Variants in ABLIM2 observed in about 807,000 individuals in gnomAD.
The protein encoded by ABLIM2 is actin-binding LIM protein 2.
A neutral mutation model predicts 97.7 loss-of-function variants in ABLIM2; 53 were observed. The observed-to-expected ratio is 0.54, with a 90% CI of 0.44 to 0.68. The LOEUF (loss-of-function observed/expected upper bound fraction) is 0.68, where lower values mean the gene tolerates loss of function less well. Among genes scored for constraint, ABLIM2 ranks in the 30% least tolerant of loss-of-function variants. The pLI is 0.00. For missense variants in ABLIM2, 835 were observed against 867.2 expected (o/e 0.96, Z 0.47); for synonymous variants, 361 against 345.8 (o/e 1.04, Z -0.49).
intron 20 of ABLIM2, among the ~76,000 whole-genome samples, chr4:7,980,581 G>C (rs1196926507): frequency 2.6e-5 from 4 of 151,992 alleles, no homozygotes; most frequent in Admixed American, 2.6e-4. Flanking sequence ...CAGGCGTGGT[G>C]GTGGGTGCCT....
chr4:8,143,159 T>TGG (rs1554123507), intron 1 of ABLIM2, among the ~76,000 whole-genome samples: 966 of 61,204 alleles, frequency 0.016, 26 homozygotes, highest in African/African-American at 0.043. Flanking sequence ...GGGGCGAGAG[T>TGG]GGGGGGGGGG....
chr4:7,974,181 A>C (rs1577612073), intron 20 of ABLIM2, among the ~76,000 whole-genome samples: 2 of 152,108 alleles, frequency 1.3e-5, no homozygotes, highest in South Asian at 4.1e-4. Flanking sequence ...CTGTCTATCT[A>C]TCTATCTATC....
chr4:7,995,577 G>A (rs1280711714), intron 16 of ABLIM2, among the ~76,000 whole-genome samples: 1 of 152,228 alleles, frequency 6.6e-6, no homozygotes, highest in Non-Finnish European at 1.5e-5. Flanking sequence ...AAGGTCACAT[G>A]GGGACACAGA....
Position 8,113,632 on chromosome 4 carries a change from C to T in ABLIM2, c.11-6995G>A, listed in dbSNP as rs1841393397. 1.3e-5 allele frequency among the ~76,000 whole-genome samples: 2 copies of T among 152,178 alleles called. No individual in the cohort carries two copies. Among genetic ancestry groups the T allele is most frequent in the Admixed American group, 1.3e-4 (2 of 15,284 alleles). On this transcript the variant is annotated intron_variant, in intron 1 of 20. Transcript: ENST00000447017. The surrounding 1 kb of genome is among the most constrained non-coding windows in gnomAD (Gnocchi z 4.5). Reference sequence around the variant, plus strand: ...CTCACACAGGGGAAAACTTGGGGTCCACCCATGGCAGGGGTTCTCATCGGA... The same window carrying T: ...CTCACACAGGGGAAAACTTGGGGTCTACCCATGGCAGGGGTTCTCATCGGA...
At chr4:8,106,269 G>A (rs73075933) in intron 2 of ABLIM2, among the ~76,000 whole-genome samples, 28,844 of 152,124 alleles carry the variant, frequency 0.19, 4,819 homozygotes, top group African/African-American at 0.45. Context: ...TAGGGACCTG[G>A]ACCCTCATCC....
rs943541234 is a variant in ABLIM2 at position 8,147,273 on chromosome 4, A to G, written c.10+11407T>C. ...AGTAACATTTTTTTTATCCTATGAG[A>G]AGTCATTCTCACTCTCTCATCCATC... is the stretch of plus-strand genomic sequence containing the variant. On this transcript the variant is annotated intron_variant, in intron 1 of 20. Transcript: ENST00000447017. The surrounding 1 kb of genome is among the most constrained non-coding windows in gnomAD (Gnocchi z 5.3). 5.3e-5 allele frequency among the ~76,000 whole-genome samples: 8 copies of G among 152,128 alleles called. No individual in the cohort carries two copies. Among genetic ancestry groups the G allele is most frequent in the African/African-American group, 1.7e-4 (7 of 41,420 alleles).
In ABLIM2 at chr4:8,069,000, C is replaced by G. The variant is rs1223270952; in HGVS notation, c.676-7946G>C. ...GGCCACTGCATCCCAGAAAGAAGGGCCCCACTCTGAGCAGTGCCCAGCAAG... is the reference window on the plus strand; with the variant it reads ...GGCCACTGCATCCCAGAAAGAAGGGGCCCACTCTGAGCAGTGCCCAGCAAG... On this transcript the variant is annotated intron_variant, in intron 6 of 20. Coordinates refer to ENST00000447017, the MANE Select transcript of ABLIM2 (RefSeq NM_001130083.2). This position sits in a 1 kb window ranked among gnomAD's most constrained non-coding sequence, Gnocchi z 4.5. Among the ~76,000 whole-genome samples, 4 of 152,252 alleles carry G rather than the reference C, an allele frequency of 2.6e-5. No homozygotes were observed. The highest frequency in any genetic ancestry group is 9.6e-5 in the African/African-American group (4 of 41,476).
intron 17 of ABLIM2, among the ~76,000 whole-genome samples, chr4:7,989,942 GA>G (rs1472704473): frequency 1.3e-5 from 2 of 152,154 alleles, no homozygotes; most frequent in Non-Finnish European, 2.9e-5. Flanking sequence ...GGTAGGTTAT[GA>G]GCATCTACCA....
In ABLIM2 at chr4:8,058,823, G is replaced by T. The variant is rs1801051683; in HGVS notation, c.763+2144C>A. The stretch of plus-strand genomic sequence containing the variant: ...AAATCAGTCTGGCAGGAATCCCCTG[G>T]CCTAGAAGCCTAATCTCCCTCCACT... On this transcript the variant is annotated intron_variant, in intron 7 of 20. Coordinates refer to ENST00000447017, the MANE Select transcript of ABLIM2 (RefSeq NM_001130083.2). This position sits in a 1 kb window ranked among gnomAD's most constrained non-coding sequence, Gnocchi z 4.2. 6.6e-6 allele frequency among the ~76,000 whole-genome samples: 1 copy of T among 152,146 alleles called. No individual in the cohort carries two copies. Among genetic ancestry groups the T allele is most frequent in the Non-Finnish European group, 1.5e-5 (1 of 68,046 alleles).
chr4:8,108,749 G>T (rs1433741139), intron 1 of ABLIM2, among the ~76,000 whole-genome samples: 1 of 152,244 alleles, frequency 6.6e-6, no homozygotes, highest in African/African-American at 2.4e-5. Flanking sequence ...CCCCTCAGAG[G>T]CTTCCCAACC....
In ABLIM2 at chr4:8,130,915, G is replaced by C. The variant is rs563237443; in HGVS notation, c.11-24278C>G. ...TTTCCTGACTTGTGGACGGCAAGGT[G>C]GCCCCAGGGCTGAGCTCCCCCAAAG... On this transcript the variant is annotated intron_variant, in intron 1 of 20. Transcript: ENST00000447017. This position sits in a 1 kb window ranked among gnomAD's most constrained non-coding sequence, Gnocchi z 4.2. 6.6e-6 allele frequency among the ~76,000 whole-genome samples: 1 copy of C among 151,902 alleles called. No homozygotes were observed. The highest frequency in any genetic ancestry group is 2.1e-4 in the South Asian group (1 of 4,812).
chr4:8,075,998 T>C lies in ABLIM2; in HGVS notation c.675+1630A>G, dbSNP rs926501567. The stretch of plus-strand genomic sequence containing the variant: ...CATAGTCAGTGGTTTTATTTTCTTC[T>C]TAGCACCTCTCTGGACTTTGCAAAC... On this transcript the variant is annotated intron_variant, in intron 6 of 20. Transcript: ENST00000447017. This position sits in a 1 kb window ranked among gnomAD's most constrained non-coding sequence, Gnocchi z 4.4. Among the ~76,000 whole-genome samples, 1 of 152,252 alleles carries C rather than the reference T, an allele frequency of 6.6e-6. No homozygotes were observed. The highest frequency in any genetic ancestry group is 1.5e-5 in the Non-Finnish European group (1 of 68,042).
At chr4:7,983,191 C>T (rs17179948) in intron 20 of ABLIM2, 73 bp downstream of exon 20, 118,269 of 1,491,022 alleles carry the variant, frequency 0.079, 4,875 homozygotes, top group Non-Finnish European at 0.085. Context: ...ACGACCTTGA[C>T]ACCACGGAGG....
Position 7,973,501 on chromosome 4 carries a change from G to GA in ABLIM2, c.1825-6399dup, listed in dbSNP as rs35927675. 1.8e-3 allele frequency among the ~76,000 whole-genome samples: 252 copies of GA among 139,336 alleles called. 1 individual carries two copies. The highest frequency in any genetic ancestry group is 5.2e-3 in the African/African-American group (194 of 37,590). 91.4% of individuals were successfully genotyped at this position (139,336 alleles called of 152,430 possible). A position where few individuals can be genotyped will look rare whatever the true frequency, so the allele number is the denominator to read the frequency against. ...GGGTGACAGAGTGAGACTACGTCTT[G>GA]AAAAAAAAAAAAGAGAGAAAAAAAA... On this transcript the variant is annotated intron_variant, in intron 20 of 20. Coordinates refer to ENST00000447017, the MANE Select transcript of ABLIM2 (RefSeq NM_001130083.2).
chr4:8,103,162 T>C (rs1367788534), intron 2 of ABLIM2, among the ~76,000 whole-genome samples: 1 of 151,928 alleles, frequency 6.6e-6, no homozygotes. Context: ...AGCCCTGGGG[T>C]AGGGGTGTGG....
rs553170148 is a variant in ABLIM2, at chr4:8,070,799, G to C, written c.675+6829C>G. 2.0e-5 allele frequency among the ~76,000 whole-genome samples: 3 copies of C among 152,272 alleles called. No homozygotes were observed. The South Asian group carries it at 6.2e-4, about 32-fold the overall frequency. On this transcript the variant is annotated intron_variant, in intron 6 of 20. Coordinates refer to ENST00000447017, the MANE Select transcript of ABLIM2 (RefSeq NM_001130083.2). ...GGAAAGAGAGGAGGGGCAGAGGGAG[G>C]GAAGGAGGAGGGGAGGAGTAAAGGG...
In ABLIM2 at chr4:7,985,302, C is replaced by T. The variant is rs74526235; in HGVS notation, c.1681-409G>A. Among the ~76,000 whole-genome samples the T allele has an allele frequency of 9.9e-3, 1,500 of 152,282 alleles. 26 individuals carry two copies. Among genetic ancestry groups the T allele is most frequent in the African/African-American group, 0.034 (1,407 of 41,572 alleles). On this transcript the variant is annotated intron_variant, in intron 17 of 20. Coordinates refer to ENST00000447017, the MANE Select transcript of ABLIM2 (RefSeq NM_001130083.2). ...CTAGGCACAGCGCTCTGCGGTTCCC[C>T]GTTGGTGATCTGTCCCCTCCACATG...
At chr4:8,106,458 CA>C (rs774863801) in intron 2 of ABLIM2, 35 bp downstream of exon 2, 4 of 1,572,934 alleles carry the variant, frequency 2.5e-6, no homozygotes, top group Non-Finnish European at 3.5e-6. Flanking sequence ...AGGCCCGTTT[CA>C]GGGGCCACAC....
intron 17 of ABLIM2, among the ~76,000 whole-genome samples, chr4:7,989,267 T>C (rs1746838621): frequency 1.3e-5 from 2 of 152,164 alleles, no homozygotes; most frequent in East Asian, 3.9e-4. Context: ...TTAGTAGAGA[T>C]GGGGTTTCAC....
Sources: allele counts gnomAD v4.1 joint callset (sites outside exome capture counted in the v4.1 genomes callset), GRCh38; gene constraint gnomAD v4.1.1; non-coding constraint Gnocchi (gnomAD v3.1); transcripts MANE v1.5; gene names NCBI Gene and HGNC (gene_info 2026-07-23, HGNC 2026-07-21).